LAMB2: variants seen among roughly 807,000 people sequenced by gnomAD.
LAMB2 encodes the protein laminin subunit beta-2.
In LAMB2, 119 loss-of-function variants were observed where a neutral mutation model predicts 202.7. The ratio of observed to expected loss-of-function variants is 0.59; its 90% CI spans 0.51 to 0.68. LAMB2 has a LOEUF of 0.68. Among genes scored for constraint, LAMB2 ranks in the 30% least tolerant of loss-of-function variants. LAMB2 has a pLI of 0.00. For synonymous variants in LAMB2, 818 were observed against 902.2 expected, an observed-to-expected ratio of 0.91 and a Z score of 1.67; for missense variants, 2,124 against 2,410.6, an observed-to-expected ratio of 0.88 and a Z score of 2.49.
chr3:49,129,931 C>T lies in LAMB2; in HGVS notation c.1313G>A (p.Cys438Tyr). The T allele has an allele frequency of 1.2e-6, 2 of 1,614,094 alleles. No homozygotes were observed. The highest frequency in any genetic ancestry group is 1.1e-5 in the South Asian group (1 of 91,084). The change falls in exon 10 of 32, where the codon TGT becomes TAT. Residue 438 changes from cysteine (C) to tyrosine (Y), a missense_variant. Transcript: ENST00000305544. This position sits in a 1 kb window ranked among gnomAD's most constrained non-coding sequence, Gnocchi z 6.1. ...GCCCACCACATGTTCTTTGCAGCGACACTGGCCGGAGACCAGTCCCAGTGC... is the reference window on the plus strand; with the variant it reads ...GCCCACCACATGTTCTTTGCAGCGATACTGGCCGGAGACCAGTCCCAGTGC... ...DPALGLVSGQ[C>Y]RCKEHVVGTR... is the part of the protein sequence containing the mutation.
rs752824942 is a variant in LAMB2, at chr3:49,121,648, C to A, written c.5100+36G>T. Reference sequence around the variant, plus strand: ...TAGCTCAGTGGAGGCCCATCTTCCACCCCTACCTTCTCCAGCTGGCTCTGC... The same window carrying A: ...TAGCTCAGTGGAGGCCCATCTTCCAACCCTACCTTCTCCAGCTGGCTCTGC... On this transcript the variant is annotated intron_variant, in intron 30 of 31. Transcript: ENST00000305544. 1.9e-6 allele frequency: 3 copies of A among 1,614,028 alleles called. No homozygotes were observed. In the Admixed American group the frequency reaches 5.0e-5, roughly 27 times the overall value.
Position 49,124,239 on chromosome 3 carries a change from A to G in LAMB2, c.3375T>C (p.Cys1125=), listed in dbSNP as rs139893128. The part of the protein sequence containing the change: ...HCRAGFGGRT[C]SECQELHWGD... Reference sequence around the variant, plus strand: ...CCCAGTGGAGCTCTTGGCACTCAGAACAAGTCCGCCCTCCAAAGCCGGCAC... The same window carrying G: ...CCCAGTGGAGCTCTTGGCACTCAGAGCAAGTCCGCCCTCCAAAGCCGGCAC... Residue 1125 remains cysteine, a synonymous_variant, in exon 23 of 32, where the codon TGT becomes TGC. Transcript: ENST00000305544. The G allele has an allele frequency of 6.2e-7, 1 of 1,613,818 alleles. No individual in the cohort carries two copies. The highest frequency in any genetic ancestry group is 1.3e-5 in the African/African-American group (1 of 74,940).
In LAMB2 at chr3:49,126,446, C is replaced by T. The variant is rs750449426; in HGVS notation, c.2070G>A (p.Lys690=). 1.7e-5 allele frequency: 28 copies of T among 1,614,040 alleles called. No homozygotes were observed. Among genetic ancestry groups the T allele is most frequent in the Non-Finnish European group, 1.9e-5 (22 of 1,180,038 alleles). ...PVCLEPGISY[K]LHLKLVRTGG... ...CTGTCCGTACCAGCTTCAGATGCAG[C>T]TTGTAGGAGATACCAGGCTCAAGGC... is the stretch of plus-strand genomic sequence containing the variant. The change falls in exon 16 of 32, where the codon AAG becomes AAA. Residue 690 remains lysine, a synonymous_variant. Transcript: ENST00000305544.
intron 15 of LAMB2, among the ~76,000 whole-genome samples, chr3:49,127,240 T>C (rs2045424863): frequency 6.6e-6 from 1 of 152,160 alleles, no homozygotes; most frequent in East Asian, 1.9e-4. Context: ...CCTGCCTCAG[T>C]GTCCCAAAGT....
chr3:49,128,265 G>A (rs781707340), intron 15 of LAMB2, among the ~76,000 whole-genome samples, 193 bp downstream of exon 15: 101 of 152,212 alleles, frequency 6.6e-4, no homozygotes, highest in African/African-American at 1.8e-3. Flanking sequence ...CCCTGAGAGA[G>A]CAGGCCTTGA....
Position 49,132,992 on chromosome 3 carries a change from T to C in LAMB2, c.-125A>G, listed in dbSNP as rs2045498411. The C allele has an allele frequency of 1.2e-6, 1 of 830,960 alleles. No homozygotes were observed. The highest frequency in any genetic ancestry group is 1.7e-5 in the African/African-American group (1 of 59,538). 51.5% of individuals were successfully genotyped at this position (830,960 alleles called of 1,614,324 possible). A position where few individuals can be genotyped will look rare whatever the true frequency, so the allele number is the denominator to read the frequency against. On this transcript the variant is annotated 5_prime_UTR_variant, in exon 1 of 32. Coordinates refer to ENST00000305544, the MANE Select transcript of LAMB2 (RefSeq NM_002292.4). The surrounding 1 kb of genome is among the most constrained non-coding windows in gnomAD (Gnocchi z 4.6). The stretch of plus-strand genomic sequence containing the variant: ...GGCCTGTTTCCCTCCAGGCCCTCTG[T>C]CAGTTCCCAGGTCTGTCCAGCGGTC...
Position 49,126,352 on chromosome 3 carries a change from G to A in LAMB2, c.2151+13C>T. 1 of 1,614,176 alleles carries A rather than the reference G, an allele frequency of 6.2e-7. No homozygotes were observed. The highest frequency in any genetic ancestry group is 1.3e-5 in the African/African-American group (1 of 75,040). ...GCCATCTTGGTTGGTGTGGGCAAGA[G>A]GAGATTATTCACCGAGTCAATGAGC... On this transcript the variant is annotated intron_variant, in intron 16 of 31. Transcript: ENST00000305544.
rs745520572 is a variant in LAMB2, at chr3:49,123,750, C to A, written c.3775G>T (p.Val1259Leu). 6.2e-7 allele frequency: 1 copy of A among 1,613,472 alleles called. No individual in the cohort carries two copies. Among genetic ancestry groups the A allele is most frequent in the Non-Finnish European group, 8.5e-7 (1 of 1,180,038 alleles). Residue 1259 changes from valine (V) to leucine (L), a missense_variant, in exon 24 of 32, where the codon GTG (valine) becomes TTG (leucine). Physicochemically the swap from Val to Leu is conservative, Grantham distance 32 (BLOSUM62 1). Transcript: ENST00000305544. ...CACCGCAGCTCCTCTGTGGCCTCCA[C>A]AAGCTGTGCAGTGGAGGCGGCTGAG... is the stretch of plus-strand genomic sequence containing the variant. ...NTSAASTAQLVEATEELRREI... is the reference protein window; with the variant it reads ...NTSAASTAQLLEATEELRREI...
At position 49,130,316 on chromosome 3, in the gene LAMB2, G is replaced by A; in HGVS notation, c.1140C>T (p.Asn380=). 6.2e-7 allele frequency: 1 copy of A among 1,614,216 alleles called. No individual in the cohort carries two copies. Among genetic ancestry groups the A allele is most frequent in the Non-Finnish European group, 8.5e-7 (1 of 1,180,040 alleles). The change falls in exon 9 of 32, where the codon AAC becomes AAT. Residue 380 remains asparagine, a synonymous_variant. Coordinates refer to ENST00000305544, the MANE Select transcript of LAMB2 (RefSeq NM_002292.4). This position sits in a 1 kb window ranked among gnomAD's most constrained non-coding sequence, Gnocchi z 5.0. ...SGGVCDGCQH[N]TAGRHCELCR... ...AGAGCTCACAGTGGCGCCCAGCTGT[G>A]TTATGCTGACATCCATCACACACAC...
At position 49,129,749 on chromosome 3, in the gene LAMB2, A is replaced by G. The variant is rs557786607; in HGVS notation, c.1406-33T>C. 702 of 1,610,832 alleles carry G rather than the reference A, an allele frequency of 4.4e-4. 15 individuals are homozygous for G. The South Asian group carries it at 6.3e-3, about 14-fold the overall frequency. On this transcript the variant is annotated intron_variant, in intron 10 of 31. Transcript: ENST00000305544. The surrounding 1 kb of genome is among the most constrained non-coding windows in gnomAD (Gnocchi z 6.1). Reference sequence around the variant, plus strand: ...GAAGGAGAACCATCAGCACTTTGGGAAACTGTGGCAGTGCTCATGTTCAGC... The same window carrying G: ...GAAGGAGAACCATCAGCACTTTGGGGAACTGTGGCAGTGCTCATGTTCAGC...
chr3:49,131,162 G>A lies in LAMB2; in HGVS notation c.713-10C>T. On this transcript the variant is annotated splice_polypyrimidine_tract_variant and intron_variant, in intron 6 of 31. Transcript: ENST00000305544. This position sits in a 1 kb window ranked among gnomAD's most constrained non-coding sequence, Gnocchi z 5.0. ...GTGATCTTCAACAGGTCTGAGGCGG[G>A]GGAAGGGGGGCCAACTGACCAGGCA... 6.2e-7 allele frequency: 1 copy of A among 1,612,812 alleles called. No homozygotes were observed. The highest frequency in any genetic ancestry group is 8.5e-7 in the Non-Finnish European group (1 of 1,179,774).
In LAMB2 at chr3:49,123,120, C is replaced by T; in HGVS notation, c.4224+12G>A. ...CTACACCCACCTGCCCCACCCAACA[C>T]TTCAACCTCACCAGCTCATTTATGT... On this transcript the variant is annotated intron_variant, in intron 26 of 31. Coordinates refer to ENST00000305544, the MANE Select transcript of LAMB2 (RefSeq NM_002292.4). 6.2e-7 allele frequency: 1 copy of T among 1,610,212 alleles called. No individual in the cohort carries two copies.
chr3:49,128,814 G>A lies in LAMB2; in HGVS notation c.1737C>T (p.Leu579=), dbSNP rs746407578. 4.3e-6 allele frequency: 7 copies of A among 1,612,190 alleles called. No individual in the cohort carries two copies. Among genetic ancestry groups the A allele is most frequent in the South Asian group, 3.3e-5 (3 of 91,006 alleles). ...WEAEDTRGQV[L]DVVERLVTPG... ...GGGTCACCAGGCGCTCCACCACATC[G>A]AGCACCTGGGAGATAATGCAGCCAG... The change falls in exon 14 of 32, where the codon CTC becomes CTT. Residue 579 remains leucine (L), a synonymous_variant. Coordinates refer to ENST00000305544, the MANE Select transcript of LAMB2 (RefSeq NM_002292.4).
chr3:49,132,466 C>T lies in LAMB2; in HGVS notation c.249+25G>A, dbSNP rs202236477. On this transcript the variant is annotated intron_variant, in intron 2 of 31. Coordinates refer to ENST00000305544, the MANE Select transcript of LAMB2 (RefSeq NM_002292.4). The surrounding 1 kb of genome is among the most constrained non-coding windows in gnomAD (Gnocchi z 4.6). ...CAGTGCCAGCCCCACCCTGACTCGG[C>T]GTCACACCCTGTCCCCAGCCACACC... The T allele has an allele frequency of 5.0e-4, 802 of 1,614,068 alleles. 9 individuals are homozygous for T. The South Asian group carries it at 8.2e-3, about 17-fold the overall frequency.
chr3:49,125,533 G>T, intron 18 of LAMB2, 49 bp from the exon 19 acceptor site: 1 of 1,500,928 alleles, frequency 6.7e-7, no homozygotes, highest in South Asian at 1.2e-5. Context: ...GGGTCTGAGG[G>T]GAGTGTGGGT....
Position 49,125,420 on chromosome 3 carries a change from G to A in LAMB2, c.2553C>T (p.Leu851=). The part of the protein sequence containing the change: ...SLCEKTSGQC[L]CRTGAFGLRC... ...GAAGCCCAAAGGCACCAGTTCGACA[G>A]AGACATTGCCCACTGGTCTTTTCAC... The change falls in exon 19 of 32, where the codon CTC becomes CTT. Residue 851 remains leucine (L), a synonymous_variant. Coordinates refer to ENST00000305544, the MANE Select transcript of LAMB2 (RefSeq NM_002292.4). 1 of 1,613,900 alleles carries A rather than the reference G, an allele frequency of 6.2e-7. No homozygotes were observed. The highest frequency in any genetic ancestry group is 8.5e-7 in the Non-Finnish European group (1 of 1,180,006).
Position 49,123,146 on chromosome 3 carries a change from C to A in LAMB2, c.4210G>T (p.Asp1404Tyr), listed in dbSNP as rs1359156908. The A allele has an allele frequency of 6.2e-7, 1 of 1,612,886 alleles. No individual in the cohort carries two copies. The highest frequency in any genetic ancestry group is 1.1e-5 in the South Asian group (1 of 91,086). Residue 1404 changes from aspartate (D) to tyrosine (Y), a missense_variant, in exon 26 of 32, where the codon GAC becomes TAC. Transcript: ENST00000305544. Reference protein sequence around the residue: ...SAHTHTLSLTDINELVCGAPG... With the variant: ...SAHTHTLSLTYINELVCGAPG... ...TTCAACCTCACCAGCTCATTTATGT[C>A]TGTCAGGCTCAGGGTGTGGGTATGG...
intron 15 of LAMB2, 127 bp from the exon 16 acceptor site, chr3:49,126,624 T>C: frequency 8.2e-7 from 1 of 1,220,432 alleles, no homozygotes; most frequent in Admixed American, 1.9e-5. Context: ...TGGGTTGCGT[T>C]GGGCTGCGCT....
chr3:49,126,178 A>C lies in LAMB2; in HGVS notation c.2152-19T>G. 1 of 1,611,078 alleles carries C rather than the reference A, an allele frequency of 6.2e-7. No homozygotes were observed. Among genetic ancestry groups the C allele is most frequent in the Non-Finnish European group, 8.5e-7 (1 of 1,179,816 alleles). On this transcript the variant is annotated intron_variant, in intron 16 of 31. Coordinates refer to ENST00000305544, the MANE Select transcript of LAMB2 (RefSeq NM_002292.4). ...GCACCAGCTGAAGGAGTGAGCAAGG[A>C]AGATCGCAGTTCAGACCTGGGACCA...
Sources: allele counts gnomAD v4.1 joint callset (sites outside exome capture counted in the v4.1 genomes callset), GRCh38; gene constraint gnomAD v4.1.1; non-coding constraint Gnocchi (gnomAD v3.1); transcripts MANE v1.5; gene names NCBI Gene and HGNC (gene_info 2026-07-23, HGNC 2026-07-21).